DCDC1: variants seen among roughly 807,000 people sequenced by gnomAD.
DCDC1 encodes doublecortin domain-containing protein 1.
In DCDC1, 200 loss-of-function variants were observed where a neutral mutation model predicts 178.3. The observed-to-expected ratio is 1.12, with a 90% CI of 1.00 to 1.26. DCDC1 has a LOEUF of 1.26. Among genes scored for constraint, DCDC1 ranks in the 50% most tolerant of loss-of-function variants. The pLI, the probability that DCDC1 is intolerant of heterozygous loss-of-function variation, is 0.00. For missense variants in DCDC1, 1,983 were observed against 1,749.2 expected (o/e 1.13, Z -2.38); for synonymous variants, 690 against 604.8 (o/e 1.14, Z -2.07).
In DCDC1 at chr11:31,231,514, C is replaced by T. The variant is rs1975771419; in HGVS notation, c.1221+9936G>A. ...AAAGAGAAAAGAGACGGCATTCCCT[C>T]ACACTGCAGGCACATTCTCAAGCAG... On this transcript the variant is annotated intron_variant, in intron 9 of 38. Coordinates refer to ENST00000684477, the MANE Select transcript of DCDC1 (RefSeq NM_001387274.1). Among the ~76,000 whole-genome samples, 7 of 152,104 alleles carry T rather than the reference C, an allele frequency of 4.6e-5. No individual in the cohort carries two copies. The South Asian group carries it at 1.2e-3, about 27-fold the overall frequency.
chr11:30,903,381 T>A, intron 32 of DCDC1, 101 bp downstream of exon 32: 1 of 1,204,014 alleles, frequency 8.3e-7, no homozygotes, highest in Non-Finnish European at 1.1e-6. Flanking sequence ...TTCCTATGAT[T>A]TTGAAATTCT....
chr11:31,142,149 G>T (rs1011157348), intron 9 of DCDC1, among the ~76,000 whole-genome samples: 2 of 152,208 alleles, frequency 1.3e-5, no homozygotes, highest in Non-Finnish European at 2.9e-5. Flanking sequence ...TTGGTATATG[G>T]ATGTCCAGAA....
intron 20 of DCDC1, among the ~76,000 whole-genome samples, chr11:31,034,672 C>T (rs1241344043): frequency 6.6e-6 from 1 of 152,164 alleles, no homozygotes; most frequent in Admixed American, 6.5e-5. Context: ...GTGTAGTAGG[C>T]TATACCATTG....
chr11:31,052,881 T>C (rs1955349993), intron 20 of DCDC1, among the ~76,000 whole-genome samples: 1 of 151,062 alleles, frequency 6.6e-6, no homozygotes, highest in Admixed American at 6.6e-5. Flanking sequence ...TATCAAAGAG[T>C]CTGAAAGAGC....
chr11:30,909,158 G>A, intron 28 of DCDC1, 42 bp from the exon 29 acceptor site: 2 of 1,536,282 alleles, frequency 1.3e-6, no homozygotes, highest in Non-Finnish European at 1.8e-6. Context: ...GAGTTCATGT[G>A]AGGGTTATAG....
intron 3 of DCDC1, among the ~76,000 whole-genome samples, chr11:31,315,316 T>C (rs1949017847): frequency 8.4e-6 from 1 of 119,030 alleles, no homozygotes; most frequent in Non-Finnish European, 1.7e-5. Flanking sequence ...CTTTTTTTTT[T>C]TTTTTTTTTT....
intron 7 of DCDC1, among the ~76,000 whole-genome samples, chr11:31,275,968 C>T (rs770134702): frequency 5.9e-5 from 9 of 152,226 alleles, no homozygotes; most frequent in Non-Finnish European, 8.8e-5. Flanking sequence ...TTATACCTGG[C>T]TGTGCAGCCA....
chr11:31,257,937 A>C (rs1429947177), intron 8 of DCDC1, among the ~76,000 whole-genome samples: 1 of 152,222 alleles, frequency 6.6e-6, no homozygotes, highest in Non-Finnish European at 1.5e-5. Flanking sequence ...CCCCTAGAGG[A>C]GACAGTATCT....
chr11:31,287,272 A>C (rs919867166), intron 7 of DCDC1, among the ~76,000 whole-genome samples: 1 of 151,988 alleles, frequency 6.6e-6, no homozygotes, highest in African/African-American at 2.4e-5. Flanking sequence ...GAAAACACAG[A>C]CTGTACAAGG....
chr11:30,988,351 A>T (rs1950772979), intron 20 of DCDC1, among the ~76,000 whole-genome samples: 1 of 152,144 alleles, frequency 6.6e-6, no homozygotes. Flanking sequence ...TGGGGATAGA[A>T]TAGGTATTGG....
rs531463753 is a variant in DCDC1, at chr11:30,990,028, G to A, written c.2592-37460C>T. ...GGTGAAGGATGGTGTATCTCTACTC[G>A]AGTCAGCCCCAAAACCTGCCAAGAA... On this transcript the variant is annotated intron_variant, in intron 20 of 38. Coordinates refer to ENST00000684477, the MANE Select transcript of DCDC1 (RefSeq NM_001387274.1). Among the ~76,000 whole-genome samples the A allele has an allele frequency of 6.6e-5, 10 of 152,148 alleles. No individual in the cohort carries two copies. The South Asian group carries it at 1.0e-3, about 16-fold the overall frequency.
intron 8 of DCDC1, among the ~76,000 whole-genome samples, chr11:31,247,352 G>A (rs1317796417): frequency 6.6e-6 from 1 of 151,636 alleles, no homozygotes; most frequent in African/African-American, 2.4e-5. Context: ...CAAGTGGACC[G>A]AAATGGTGTG....
chr11:31,213,752 C>T (rs962533130), intron 9 of DCDC1, among the ~76,000 whole-genome samples: 12 of 151,474 alleles, frequency 7.9e-5, no homozygotes, highest in Admixed American at 6.6e-5. Context: ...TGGTCATCTT[C>T]TACTACTTTT....
chr11:30,948,417 T>C (rs1948195480), intron 21 of DCDC1, among the ~76,000 whole-genome samples: 1 of 152,072 alleles, frequency 6.6e-6, no homozygotes, highest in South Asian at 2.1e-4. Flanking sequence ...ATCGTGAAAA[T>C]GGCCATACTG....
chr11:31,137,629 T>C (rs1963314038), intron 10 of DCDC1, 63 bp downstream of exon 10: 2 of 684,028 alleles, frequency 2.9e-6, no homozygotes, highest in Admixed American at 2.1e-5. Flanking sequence ...ATTACAGGCG[T>C]AAGCCACTGT....
chr11:31,207,716 T>C (rs1972032270), intron 9 of DCDC1, among the ~76,000 whole-genome samples: 1 of 152,198 alleles, frequency 6.6e-6, no homozygotes, highest in South Asian at 2.1e-4. Flanking sequence ...GCCCCTTCTA[T>C]TTCTCTACTC....
intron 1 of DCDC1, among the ~76,000 whole-genome samples, chr11:31,352,534 C>T (rs1951125594): frequency 1.3e-5 from 2 of 152,070 alleles, no homozygotes; most frequent in Admixed American, 1.3e-4. Context: ...CTTCATAATT[C>T]GAGTAGTCAA....
At chr11:30,931,131 T>A (rs1205705330) in intron 22 of DCDC1, among the ~76,000 whole-genome samples, 1 of 152,002 alleles carries the variant, frequency 6.6e-6, no homozygotes, top group Non-Finnish European at 1.5e-5. Flanking sequence ...ACATCAGAGC[T>A]CTTCAATGAT....
intron 20 of DCDC1, among the ~76,000 whole-genome samples, chr11:31,021,695 C>T (rs528086807): frequency 7.2e-5 from 11 of 152,036 alleles, no homozygotes; most frequent in African/African-American, 2.2e-4. Context: ...ATTTTTGAAC[C>T]ATGTAAATAA....
Sources: gnomAD v4.1 joint callset for allele counts (sites outside exome capture counted in the v4.1 genomes callset) on GRCh38, gnomAD v4.1.1 for gene constraint, MANE v1.5 for transcripts, NCBI Gene and HGNC (gene_info 2026-07-23, HGNC 2026-07-21) for gene names.